Variants in GGT1 observed in about 807,000 individuals in gnomAD.
The protein encoded by GGT1 is glutathione hydrolase 1 proenzyme.
A neutral mutation model predicts 56.0 loss-of-function variants in GGT1; 21 were observed. The observed-to-expected ratio is 0.38, with a 90% CI of 0.27 to 0.54. The LOEUF (loss-of-function observed/expected upper bound fraction) is 0.54, where lower values mean the gene tolerates loss of function less well. Ranked by LOEUF, GGT1 falls within the 20% of genes least tolerant of loss-of-function variation. GGT1 has a pLI of 0.82. For synonymous variants in GGT1, 238 were observed against 342.6 expected, an observed-to-expected ratio of 0.69 and a Z score of 3.37; for missense variants, 466 against 787.0, an observed-to-expected ratio of 0.59 and a Z score of 4.88.
upstream of GGT1, among the ~76,000 whole-genome samples, chr22:24,590,707 G>A (rs1374563711): frequency 3.9e-5 from 6 of 152,066 alleles, no homozygotes; most frequent in Admixed American, 6.6e-5. Flanking sequence ...ATCTGTTTGC[G>A]GACAGGTATG....
At chr22:24,600,774 G>A (rs989885786), upstream of GGT1, among the ~76,000 whole-genome samples, 5 of 152,234 alleles carry the variant, frequency 3.3e-5, no homozygotes, top group Admixed American at 2.6e-4. Flanking sequence ...ACAGGATCTG[G>A]AGTGGCCCCT....
upstream of GGT1, chr22:24,592,787 C>G: frequency 7.9e-7 from 1 of 1,271,710 alleles, no homozygotes; most frequent in Non-Finnish European, 1.0e-6. Flanking sequence ...AACCCATAGC[C>G]CCGCGCCTCC....
chr22:24,611,677 T>G (rs1278672934), intron 5 of GGT1, among the ~76,000 whole-genome samples: 1 of 152,072 alleles, frequency 6.6e-6, no homozygotes, highest in African/African-American at 2.4e-5. Context: ...CAATCTCAGT[T>G]AACTGCAACC....
In GGT1 at chr22:24,620,829, C is replaced by T. The variant is rs3865649; in HGVS notation, c.576-84C>T. The T allele has an allele frequency of 9.1e-5, 142 of 1,558,720 alleles. 2 individuals carry two copies. The South Asian group carries it at 1.4e-3, about 16-fold the overall frequency. ...GACAGGCGCTGCCCCTGTTCTGCTC[C>T]GTTCTCCTGTGTGGACGGGTGTGAG... On this transcript the variant is annotated intron_variant, in intron 8 of 15. Coordinates refer to ENST00000400382, the MANE Select transcript of GGT1 (RefSeq NM_001288833.2). The surrounding 1 kb of genome is among the most constrained non-coding windows in gnomAD (Gnocchi z 5.6).
At chr22:24,622,081 A>G (rs112940846) in intron 9 of GGT1, among the ~76,000 whole-genome samples, 4,116 of 151,598 alleles carry the variant, frequency 0.027, 192 homozygotes, top group African/African-American at 0.095. Context: ...TCTGAGGCCA[A>G]GCTTGGTGTC....
intron 11 of GGT1, among the ~76,000 whole-genome samples, chr22:24,625,449 T>C (rs1393486984): frequency 2.0e-5 from 3 of 151,824 alleles, no homozygotes; most frequent in Non-Finnish European, 4.4e-5. Flanking sequence ...AATTTTTGTA[T>C]TTTTTTTAGA....
rs369136147 is a variant in GGT1, at chr22:24,628,026, G to A, written c.1336+47G>A. On this transcript the variant is annotated intron_variant, in intron 13 of 15. Coordinates refer to ENST00000400382, the MANE Select transcript of GGT1 (RefSeq NM_001288833.2). This position sits in a 1 kb window ranked among gnomAD's most constrained non-coding sequence, Gnocchi z 5.7. ...GTGGGGGACTGGGGTGGAGAGGGGC[G>A]GGTGTCCTGGGCAGGCAGCTGACGG... is the stretch of plus-strand genomic sequence containing the variant. 9.9e-5 allele frequency: 159 copies of A among 1,610,924 alleles called. No homozygotes were observed. Among genetic ancestry groups the A allele is most frequent in the African/African-American group, 2.0e-4 (15 of 74,866 alleles).
chr22:24,628,720 C>G lies in GGT1; in HGVS notation c.1591C>G (p.His531Asp), dbSNP rs1220908959. The change falls in exon 16 of 16, where the codon CAC becomes GAC. Residue 531 changes from histidine (H) to aspartate (D), a missense_variant. Coordinates refer to ENST00000400382, the MANE Select transcript of GGT1 (RefSeq NM_001288833.2). This position sits in a 1 kb window ranked among gnomAD's most constrained non-coding sequence, Gnocchi z 5.7. ...QAVTAALETR[H>D]HHTQIASTFI... ...AGTGACTGCAGCCCTGGAGACCCGG[C>G]ACCATCACACCCAGATCGCGTCCAC... The G allele has an allele frequency of 9.9e-6, 16 of 1,609,770 alleles. No individual in the cohort carries two copies. In the South Asian group the frequency reaches 1.5e-4, roughly 15 times the overall value.
chr22:24,623,341 C>T (rs1014000412), intron 10 of GGT1, 85 bp downstream of exon 10: 27 of 1,383,438 alleles, frequency 2.0e-5, no homozygotes, highest in Middle Eastern at 2.5e-4. Context: ...CATCTCTGCT[C>T]GCCCCCCATG....
At chr22:24,617,596 G>C (rs2047153695) in intron 7 of GGT1, among the ~76,000 whole-genome samples, 1 of 151,868 alleles carries the variant, frequency 6.6e-6, no homozygotes, top group Non-Finnish European at 1.5e-5. Context: ...AGTCCCCGGG[G>C]ACCCCTGATC....
At chr22:24,617,321 T>C (rs5751908) in intron 7 of GGT1, among the ~76,000 whole-genome samples, 57,881 of 151,874 alleles carry the variant, frequency 0.38, 11,458 homozygotes, top group Middle Eastern at 0.53. Flanking sequence ...CCAGGTTGTG[T>C]GGGATCTCTT....
At position 24,603,569 on chromosome 22, in the gene GGT1, TGG is replaced by T. The variant is rs761035483; in HGVS notation, c.-429+46_-429+47del. On this transcript the variant is annotated intron_variant, in intron 1 of 15. Coordinates refer to ENST00000400382, the MANE Select transcript of GGT1 (RefSeq NM_001288833.2). The stretch of plus-strand genomic sequence containing the variant: ...GTTCTTTATCCGACTGGGTCTGGGC[TGG>T]GGGCCTCTGTTTCTTGGCTGATGAG... The T allele has an allele frequency of 2.0e-5, 3 of 152,554 alleles. No homozygotes were observed. In the South Asian group the frequency reaches 6.2e-4, roughly 32 times the overall value. 9.5% of individuals were successfully genotyped at this position (152,554 alleles called of 1,614,324 possible). A position where few individuals can be genotyped will look rare whatever the true frequency, so the allele number is the denominator to read the frequency against.
chr22:24,604,466 G>A (rs189712795), intron 1 of GGT1, among the ~76,000 whole-genome samples: 4 of 152,246 alleles, frequency 2.6e-5, no homozygotes, highest in Non-Finnish European at 4.4e-5. Context: ...GCTCTGCTCA[G>A]CCTAAATGAG....
upstream of GGT1, chr22:24,603,000 A>AC (rs1402265807): frequency 6.6e-6 from 1 of 151,936 alleles, no homozygotes; most frequent in Admixed American, 6.6e-5. Flanking sequence ...AGGGTTTGAG[A>AC]CCCCACCGGG....
At chr22:24,590,983 C>T (rs1010158591), upstream of GGT1, among the ~76,000 whole-genome samples, 4 of 152,264 alleles carry the variant, frequency 2.6e-5, no homozygotes, top group Non-Finnish European at 4.4e-5. Flanking sequence ...CTCACCCCAC[C>T]GCCTGCATAG....
chr22:24,623,201 G>T lies in GGT1; in HGVS notation c.828G>T (p.Met276Ile), dbSNP rs1232724423. 1 of 1,599,282 alleles carries T rather than the reference G, an allele frequency of 6.3e-7. No individual in the cohort carries two copies. The highest frequency in any genetic ancestry group is 1.7e-5 in the Admixed American group (1 of 57,880). Residue 276 changes from methionine to isoleucine, a missense_variant, in exon 10 of 16, where the codon ATG becomes ATT. By Grantham distance (10) the Met-to-Ile change is conservative (BLOSUM62 1). Coordinates refer to ENST00000400382, the MANE Select transcript of GGT1 (RefSeq NM_001288833.2). ...NISLGDVVLY[M>I]PSAPLSGPVL... ...GCCTGGGAGACGTGGTGCTGTACAT[G>T]CCCAGTGCGCCGCTCAGCGGGCCCG...
chr22:24,589,711 C>T, the GGT1 span: 1 of 1,296,214 alleles, frequency 7.7e-7, no homozygotes, highest in Non-Finnish European at 1.0e-6. Context: ...TGCCTAAGGC[C>T]ACACAGCAAG....
At chr22:24,588,144 G>A in the GGT1 span, 1 of 1,190,946 alleles carries the variant, frequency 8.4e-7, no homozygotes, top group Admixed American at 1.9e-5. Context: ...CTTGGTGAGA[G>A]TGCAGGTGTC....
intron 1 of GGT1, among the ~76,000 whole-genome samples, chr22:24,603,764 C>CG (rs907505094): frequency 8.9e-5 from 12 of 134,310 alleles, no homozygotes; most frequent in Admixed American, 2.2e-4. Context: ...TGAGTGGGGG[C>CG]GGGGGGTCAG....
Sources: allele counts gnomAD v4.1 joint callset (sites outside exome capture counted in the v4.1 genomes callset), GRCh38; gene constraint gnomAD v4.1.1; non-coding constraint Gnocchi (gnomAD v3.1); transcripts MANE v1.5; gene names NCBI Gene and HGNC (gene_info 2026-07-23, HGNC 2026-07-21).